CAPN7: variants seen among roughly 807,000 people sequenced by gnomAD.
CAPN7 encodes calpain 7.
Under a neutral mutation model 115.2 loss-of-function variants are expected in CAPN7, and 72 were observed. The observed-to-expected ratio is 0.63, with a 90% CI of 0.52 to 0.76. CAPN7 has a LOEUF of 0.76. Among genes scored for constraint, CAPN7 ranks in the 30% least tolerant of loss-of-function variants. The probability of loss-of-function intolerance (pLI) is 0.00; values close to 1 mark genes in which losing one functional copy is unlikely to be tolerated. For synonymous variants in CAPN7, 344 were observed against 322.3 expected (o/e 1.07, Z -0.72); for missense variants, 905 against 971.5 (o/e 0.93, Z 0.91).
At position 15,217,608 on chromosome 3, in the gene CAPN7, G is replaced by T. The variant is rs758431264; in HGVS notation, c.369+26G>T. On this transcript the variant is annotated intron_variant, in intron 3 of 20. Transcript: ENST00000253693. ...GTGTGTATAGCTACAAATTACGTTT[G>T]ATGAGTTATGCCAAACCATTTCTTC... 2.5e-6 allele frequency: 4 copies of T among 1,584,708 alleles called. No homozygotes were observed. In the Admixed American group the frequency reaches 7.0e-5, roughly 28 times the overall value.
intron 19 of CAPN7, among the ~76,000 whole-genome samples, chr3:15,250,661 G>A (rs1695952793): frequency 6.6e-6 from 1 of 152,168 alleles, no homozygotes; most frequent in African/African-American, 2.4e-5. Flanking sequence ...AGCAGAGTGA[G>A]ACTCTGTCTC....
In CAPN7 at chr3:15,250,841, A is replaced by C. The variant is rs1695965751; in HGVS notation, c.2205-90A>C. ...ACTGAAACTTCAGAAACATAAACTT[A>C]GTATGACATCTGCACTTCAGATAAA... On this transcript the variant is annotated intron_variant, in intron 19 of 20. Coordinates refer to ENST00000253693, the MANE Select transcript of CAPN7 (RefSeq NM_014296.3). The C allele has an allele frequency of 4.7e-6, 4 of 857,766 alleles. No homozygotes were observed. In the African/African-American group the frequency reaches 5.1e-5, roughly 11 times the overall value. The allele number at this position is 857,766 out of a possible 1,614,324, so 53.1% of individuals were successfully genotyped here.
chr3:15,235,105 C>G lies in CAPN7; in HGVS notation c.1367C>G (p.Pro456Arg). Residue 456 changes from proline to arginine, a missense_variant, in exon 12 of 21, where the codon CCC (proline) becomes CGC (arginine). Coordinates refer to ENST00000253693, the MANE Select transcript of CAPN7 (RefSeq NM_014296.3). ...GAAGGAGAGAAGTGGGGTCTGGTTC[C>G]CACACACGCATATGCTGTTTTGGAT... is the stretch of plus-strand genomic sequence containing the variant. ...EAEGEKWGLVPTHAYAVLDIR... is the reference protein window; with the variant it reads ...EAEGEKWGLVRTHAYAVLDIR... 6.2e-7 allele frequency: 1 copy of G among 1,613,558 alleles called. No homozygotes were observed. Among genetic ancestry groups the G allele is most frequent in the Non-Finnish European group, 8.5e-7 (1 of 1,179,722 alleles).
rs538906797 is a variant in CAPN7, at chr3:15,221,297, A to G, written c.638+316A>G. ...TGGGCTCAAGCGATTTTCCTGCCTC[A>G]GCCTCCCAAGTAGCTGGGACTACAG... On this transcript the variant is annotated intron_variant, in intron 5 of 20. Coordinates refer to ENST00000253693, the MANE Select transcript of CAPN7 (RefSeq NM_014296.3). 4.0e-5 allele frequency among the ~76,000 whole-genome samples: 6 copies of G among 150,572 alleles called. No homozygotes were observed. In the South Asian group the frequency reaches 1.1e-3, roughly 26 times the overall value.
At chr3:15,245,962 G>C (rs1441599082) in intron 17 of CAPN7, 8 of 212,816 alleles carry the variant, frequency 3.8e-5, no homozygotes, top group East Asian at 1.3e-4. Flanking sequence ...TTTTGAGACA[G>C]AGTCTTGCTC....
chr3:15,210,897 T>TCACCAAGTA (rs2044901691), intron 1 of CAPN7: 13 of 1,281,124 alleles, frequency 1.0e-5, no homozygotes, highest in Admixed American at 9.3e-5. Context: ...CCATGAAGTG[T>TCACCAAGTA]ACACGCTTGG....
intron 6 of CAPN7, among the ~76,000 whole-genome samples, chr3:15,224,099 A>C (rs1694161874): frequency 6.6e-6 from 1 of 152,204 alleles, no homozygotes; most frequent in East Asian, 1.9e-4. Flanking sequence ...TCATCAAAGC[A>C]TCTGTTGCAG....
chr3:15,232,686 T>A, intron 10 of CAPN7, 21 bp downstream of exon 10: 1 of 1,576,964 alleles, frequency 6.3e-7, no homozygotes, highest in Non-Finnish European at 8.6e-7. Context: ...GATAAGACGA[T>A]CCAGACACAG....
At chr3:15,217,953 A>G (rs924423682) in intron 3 of CAPN7, among the ~76,000 whole-genome samples, 2 of 152,214 alleles carry the variant, frequency 1.3e-5, no homozygotes, top group African/African-American at 2.4e-5. Context: ...ACTTATTTGC[A>G]GTGTAAAATC....
chr3:15,235,720 A>C (rs1694950623), intron 12 of CAPN7, among the ~76,000 whole-genome samples: 1 of 152,178 alleles, frequency 6.6e-6, no homozygotes, highest in South Asian at 2.1e-4. Flanking sequence ...CAGGGGGCAG[A>C]GCTCAGGCTG....
intron 6 of CAPN7, among the ~76,000 whole-genome samples, chr3:15,224,019 T>C (rs765010010): frequency 1.3e-5 from 2 of 152,200 alleles, no homozygotes; most frequent in Non-Finnish European, 2.9e-5. Flanking sequence ...AAATATTGTT[T>C]GGTTCAGGAG....
Position 15,228,979 on chromosome 3 carries a change from A to G in CAPN7, c.858A>G (p.Ile286Met), listed in dbSNP as rs199601123. ...TTAATTATTCTTATTAACAGACAAT[A>G]GTATCGGATTGCTCCTTTGTGGCAT... ...TVSSFSIKQT[I>M]VSDCSFVASL... The change falls in exon 8 of 21, where the codon ATA becomes ATG. Residue 286 changes from isoleucine to methionine, a missense_variant. Coordinates refer to ENST00000253693, the MANE Select transcript of CAPN7 (RefSeq NM_014296.3). 2 of 1,607,508 alleles carry G rather than the reference A, an allele frequency of 1.2e-6. No individual in the cohort carries two copies. Among genetic ancestry groups the G allele is most frequent in the Non-Finnish European group, 1.7e-6 (2 of 1,175,066 alleles).
At position 15,240,754 on chromosome 3, in the gene CAPN7, G is replaced by T; in HGVS notation, c.1553G>T (p.Gly518Val). ...DPRTAQKIDNGIFWISWDDLC... is the reference protein window; with the variant it reads ...DPRTAQKIDNVIFWISWDDLC... ...GATTAACAAAGATATTAATTTTCAG[G>T]AATATTTTGGATTTCCTGGGATGAT... The change falls in exon 14 of 21, where the codon GGA (glycine) becomes GTA (valine). Residue 518 changes from glycine to valine, a missense_variant and splice_region_variant. Physicochemically the swap from Gly to Val is moderately radical, Grantham distance 109. Coordinates refer to ENST00000253693, the MANE Select transcript of CAPN7 (RefSeq NM_014296.3). 1 of 1,599,838 alleles carries T rather than the reference G, an allele frequency of 6.3e-7. No individual in the cohort carries two copies. The highest frequency in any genetic ancestry group is 8.5e-7 in the Non-Finnish European group (1 of 1,171,096).
Position 15,223,471 on chromosome 3 carries a change from A to G in CAPN7, c.639-4A>G, listed in dbSNP as rs746176017. The G allele has an allele frequency of 5.0e-6, 8 of 1,588,234 alleles. No individual in the cohort carries two copies. The Admixed American group carries it at 8.4e-5, about 17-fold the overall frequency. ...CATTTAGGTTTTTTTCTCGTGTTTG[A>G]TAGGACAACATCAAAAATAAATGGT... On this transcript the variant is annotated splice_region_variant and splice_polypyrimidine_tract_variant and intron_variant, in intron 5 of 20. Transcript: ENST00000253693.
rs553092779 is a variant in CAPN7 at position 15,222,638 on chromosome 3, A to G, written c.639-837A>G. 7.2e-5 allele frequency among the ~76,000 whole-genome samples: 11 copies of G among 152,342 alleles called. No homozygotes were observed. In the South Asian group the frequency reaches 2.3e-3, roughly 32 times the overall value. Reference sequence around the variant, plus strand: ...CAAAGAAGGGTAGTTTTGAAGCTAAAAGACTAATAACAGTCCAACACTTTT... The same window carrying G: ...CAAAGAAGGGTAGTTTTGAAGCTAAGAGACTAATAACAGTCCAACACTTTT... On this transcript the variant is annotated intron_variant, in intron 5 of 20. Coordinates refer to ENST00000253693, the MANE Select transcript of CAPN7 (RefSeq NM_014296.3).
intron 2 of CAPN7, 125 bp from the exon 3 acceptor site, chr3:15,217,300 C>A: frequency 2.5e-6 from 2 of 811,314 alleles, no homozygotes; most frequent in Middle Eastern, 4.0e-4. Flanking sequence ...TTTTTTTAAC[C>A]TTGCTAAGTT....
intron 6 of CAPN7, among the ~76,000 whole-genome samples, chr3:15,225,604 G>A (rs1227206422): frequency 1.3e-5 from 2 of 152,116 alleles, no homozygotes; most frequent in African/African-American, 2.4e-5. Flanking sequence ...CTTAATTTAG[G>A]CATAGCACTT....
intron 5 of CAPN7, among the ~76,000 whole-genome samples, chr3:15,223,028 C>T (rs1386775999): frequency 6.6e-6 from 1 of 152,184 alleles, no homozygotes; most frequent in Non-Finnish European, 1.5e-5. Context: ...GTCAGTAGAC[C>T]ATAGCTGATA....
At chr3:15,210,724 T>C in intron 1 of CAPN7, 1 of 1,186,716 alleles carries the variant, frequency 8.4e-7, no homozygotes, top group Non-Finnish European at 1.1e-6. Context: ...GCCTCCTGAG[T>C]AGCTGGGACT....
Sources: allele counts gnomAD v4.1 joint callset (sites outside exome capture counted in the v4.1 genomes callset), GRCh38; gene constraint gnomAD v4.1.1; transcripts MANE v1.5; gene names NCBI Gene and HGNC (gene_info 2026-07-23, HGNC 2026-07-21).